Variants in SORCS1 observed in about 807,000 individuals in gnomAD.
SORCS1 encodes the protein sortilin related VPS10 domain containing receptor 1.
SORCS1 carries 60 observed loss-of-function variants against 146.1 expected under a neutral mutation model. The observed-to-expected ratio is 0.41, with a 90% confidence interval of 0.33 to 0.51. SORCS1 has a LOEUF of 0.51. Ranked by LOEUF, SORCS1 falls within the 20% of genes least tolerant of loss-of-function variation. The pLI, the probability that SORCS1 is intolerant of heterozygous loss-of-function variation, is 0.21. For missense variants in SORCS1, 1,352 were observed against 1,487.6 expected, an observed-to-expected ratio of 0.91 and a Z score of 1.50; for synonymous variants, 637 against 584.0, an observed-to-expected ratio of 1.09 and a Z score of -1.31.
intron 1 of SORCS1, among the ~76,000 whole-genome samples, chr10:107,025,356 G>A (rs1958353290): frequency 1.3e-5 from 2 of 152,142 alleles, no homozygotes; most frequent in South Asian, 4.1e-4. Context: ...AGTTCTTGAA[G>A]GCTCAAGCAG....
chr10:106,723,785 T>C (rs956722702), intron 6 of SORCS1, among the ~76,000 whole-genome samples: 1 of 152,192 alleles, frequency 6.6e-6, no homozygotes, highest in Non-Finnish European at 1.5e-5. Context: ...CAGACACTTG[T>C]TGCTTTGGGA....
intron 1 of SORCS1, among the ~76,000 whole-genome samples, chr10:107,128,446 C>T (rs891370393): frequency 6.6e-6 from 1 of 152,176 alleles, no homozygotes; most frequent in African/African-American, 2.4e-5. Flanking sequence ...TTGAAATCAT[C>T]AGTCCTGTAA....
At position 106,903,430 on chromosome 10, in the gene SORCS1, T is replaced by C. The variant is rs575470593; in HGVS notation, c.626+53083A>G. On this transcript the variant is annotated intron_variant, in intron 2 of 25. Coordinates refer to ENST00000263054, the MANE Select transcript of SORCS1 (RefSeq NM_052918.5). Reference sequence around the variant, plus strand: ...AGTTGTTTCTTGTCCTCTCCAAGAGTTGCAGCAGAACAAATGTTACAGAAT... The same window carrying C: ...AGTTGTTTCTTGTCCTCTCCAAGAGCTGCAGCAGAACAAATGTTACAGAAT... Among the ~76,000 whole-genome samples the C allele has an allele frequency of 2.6e-5, 4 of 152,220 alleles. No homozygotes were observed. The East Asian group carries it at 7.7e-4, about 29-fold the overall frequency.
rs1214289668 is a variant in SORCS1, at chr10:107,060,729, T to C, written c.558+103240A>G. Among the ~76,000 whole-genome samples, 1 of 152,190 alleles carries C rather than the reference T, an allele frequency of 6.6e-6. No homozygotes were observed. The highest frequency in any genetic ancestry group is 1.5e-5 in the Non-Finnish European group (1 of 68,024). ...CAGTCATGTTTACTCTTAGACAATATCTTTTTACATGAAAAAATGTACTAA... is the reference window on the plus strand; with the variant it reads ...CAGTCATGTTTACTCTTAGACAATACCTTTTTACATGAAAAAATGTACTAA... On this transcript the variant is annotated intron_variant, in intron 1 of 25. Transcript: ENST00000263054. This position sits in a 1 kb window ranked among gnomAD's most constrained non-coding sequence, Gnocchi z 4.1.
chr10:106,730,652 C>T (rs907966417), intron 5 of SORCS1, among the ~76,000 whole-genome samples: 5 of 152,106 alleles, frequency 3.3e-5, no homozygotes, highest in African/African-American at 1.2e-4. Context: ...AATAGATGCA[C>T]CTCACTTTCT....
intron 6 of SORCS1, among the ~76,000 whole-genome samples, chr10:106,717,859 C>T (rs1214466978): frequency 6.6e-6 from 1 of 152,186 alleles, no homozygotes; most frequent in Non-Finnish European, 1.5e-5. Flanking sequence ...ATATTTAATC[C>T]TCATACCTCT....
chr10:106,932,628 C>T (rs995801120), intron 2 of SORCS1, among the ~76,000 whole-genome samples: 1 of 152,160 alleles, frequency 6.6e-6, no homozygotes, highest in African/African-American at 2.4e-5. Flanking sequence ...AACAAAGCAC[C>T]ATAATTCCAA....
In SORCS1 at chr10:107,164,529, C is replaced by A; in HGVS notation, c.-3G>T. 1 of 1,344,784 alleles carries A rather than the reference C, an allele frequency of 7.4e-7. No homozygotes were observed. Among genetic ancestry groups the A allele is most frequent in the East Asian group, 3.0e-5 (1 of 32,848 alleles). 83.3% of individuals were successfully genotyped at this position (1,344,784 alleles called of 1,614,324 possible). On this transcript the variant is annotated 5_prime_UTR_variant, in exon 1 of 26. Transcript: ENST00000263054. This position sits in a 1 kb window ranked among gnomAD's most constrained non-coding sequence, Gnocchi z 6.8. ...CCGCCGGCGCCAACTTTTCCCATCGCGGGAGCGAAGAGCAGCGGAGAGAGG... is the reference window on the plus strand; with the variant it reads ...CCGCCGGCGCCAACTTTTCCCATCGAGGGAGCGAAGAGCAGCGGAGAGAGG...
At chr10:107,077,413 T>A (rs929091232) in intron 1 of SORCS1, among the ~76,000 whole-genome samples, 7 of 151,920 alleles carry the variant, frequency 4.6e-5, no homozygotes, top group Non-Finnish European at 1.0e-4. Context: ...TACTTACCTA[T>A]CACCAGTTAT....
At chr10:106,581,632 T>C (rs1047205644) in intron 24 of SORCS1, among the ~76,000 whole-genome samples, 3 of 152,066 alleles carry the variant, frequency 2.0e-5, no homozygotes, top group Non-Finnish European at 4.4e-5. Flanking sequence ...TGAAGCCTCA[T>C]GTACCTACCA....
chr10:106,893,045 C>A (rs1304885700), intron 2 of SORCS1, among the ~76,000 whole-genome samples: 1 of 151,798 alleles, frequency 6.6e-6, no homozygotes, highest in African/African-American at 2.4e-5. Flanking sequence ...CATGTGCCCG[C>A]CACCACGCCC....
chr10:106,924,850 A>C (rs2138470586), intron 2 of SORCS1, among the ~76,000 whole-genome samples: 1 of 150,484 alleles, frequency 6.6e-6, no homozygotes, highest in Non-Finnish European at 1.5e-5. Flanking sequence ...AGCAAGATGT[A>C]TTCCTTGTGT....
chr10:106,939,015 G>A (rs1211203595), intron 2 of SORCS1, among the ~76,000 whole-genome samples: 1 of 152,218 alleles, frequency 6.6e-6, no homozygotes, highest in Non-Finnish European at 1.5e-5. Flanking sequence ...ATGTAATGTA[G>A]AAGGAAGAGA....
intron 10 of SORCS1, among the ~76,000 whole-genome samples, chr10:106,683,325 A>C (rs1055596941): frequency 6.6e-6 from 1 of 152,216 alleles, no homozygotes; most frequent in Non-Finnish European, 1.5e-5. Flanking sequence ...CCCTTTGACC[A>C]ATATCTCCCT....
At chr10:106,922,137 T>G (rs2138421449) in intron 2 of SORCS1, among the ~76,000 whole-genome samples, 1 of 152,328 alleles carries the variant, frequency 6.6e-6, no homozygotes, top group African/African-American at 2.4e-5. Context: ...ACATTAGAGC[T>G]TAGGAAAGAA....
At chr10:106,841,477 T>TAC (rs71025563) in intron 2 of SORCS1, among the ~76,000 whole-genome samples, 8,238 of 150,426 alleles carry the variant, frequency 0.055, 655 homozygotes, top group African/African-American at 0.18. Flanking sequence ...TTCAATAAAA[T>TAC]ACACACACAC....
At chr10:106,776,923 T>A (rs970430868) in intron 3 of SORCS1, among the ~76,000 whole-genome samples, 1 of 152,170 alleles carries the variant, frequency 6.6e-6, no homozygotes, top group Non-Finnish European at 1.5e-5. Flanking sequence ...GAACGAGGGA[T>A]GAAATAGATA....
At chr10:107,016,900 C>A (rs1957921086) in intron 1 of SORCS1, among the ~76,000 whole-genome samples, 2 of 152,274 alleles carry the variant, frequency 1.3e-5, no homozygotes, top group South Asian at 2.1e-4. Flanking sequence ...AGCTAATAAT[C>A]ATTTTTGAAA....
intron 1 of SORCS1, among the ~76,000 whole-genome samples, chr10:106,984,970 C>G (rs1956402559): frequency 6.6e-6 from 1 of 151,946 alleles, no homozygotes. Flanking sequence ...GCCGGATCAC[C>G]TGAGGTCAGA....
Sources: gnomAD v4.1 joint callset for allele counts (sites outside exome capture counted in the v4.1 genomes callset) on GRCh38, gnomAD v4.1.1 for gene constraint, Gnocchi (gnomAD v3.1) non-coding constraint, MANE v1.5 for transcripts, NCBI Gene and HGNC (gene_info 2026-07-23, HGNC 2026-07-21) for gene names.